The following KRT32 variants were observed in gnomAD, a reference collection of about 807,000 sequenced individuals.
KRT32 encodes the protein keratin 32.
Under a neutral mutation model 41.8 loss-of-function variants are expected in KRT32, and 44 were observed. That is an observed-to-expected ratio of 1.05 (90% CI 0.83 to 1.35). The LOEUF (loss-of-function observed/expected upper bound fraction) is 1.35, where lower values mean the gene tolerates loss of function less well. KRT32 is among the 40% of genes most tolerant of loss of function. KRT32 has a pLI of 0.00. For missense variants in KRT32, 576 were observed against 584.6 expected, an observed-to-expected ratio of 0.99 and a Z score of 0.15; for synonymous variants, 238 against 242.5, an observed-to-expected ratio of 0.98 and a Z score of 0.17.
chr17:41,461,047 T>C, intron 6 of KRT32, among the ~76,000 whole-genome samples: 1 of 152,042 alleles, frequency 6.6e-6, no homozygotes, highest in Non-Finnish European at 1.5e-5. Flanking sequence ...GTGCCGTACA[T>C]CTCTGGAACC....
At chr17:41,461,466 G>A (rs1216724448) in intron 6 of KRT32, among the ~76,000 whole-genome samples, 1 of 152,216 alleles carries the variant, frequency 6.6e-6, no homozygotes, top group East Asian at 1.9e-4. Flanking sequence ...TGAGGATCAT[G>A]TGCAACCTGA....
chr17:41,459,862 G>A lies in KRT32; in HGVS notation c.*248C>T, dbSNP rs544465624. On this transcript the variant is annotated 3_prime_UTR_variant, in exon 7 of 7. Transcript: ENST00000225899. ...ATTTGCCAGTTAACTAAGAACACAC[G>A]CTCTTTGAGGCAGCACAGACAACCA... The A allele has an allele frequency of 3.9e-5, 14 of 355,568 alleles. No individual in the cohort carries two copies. Among genetic ancestry groups the A allele is most frequent in the Middle Eastern group, 7.8e-4 (1 of 1,290 alleles). 22.0% of individuals were successfully genotyped at this position (355,568 alleles called of 1,614,324 possible).
rs1401342774 is a variant in KRT32, at chr17:41,464,411, G to T, written c.741C>A (p.Asp247Glu). The change falls in exon 4 of 7, where the codon GAC becomes GAA. Residue 247 changes from aspartate (D) to glutamate (E), a missense_variant. Physicochemically the swap from Asp to Glu is conservative, Grantham distance 45. Coordinates refer to ENST00000225899, the MANE Select transcript of KRT32 (RefSeq NM_002278.3). ...EVGSLRCQLG[D>E]RLNIEVDAAP... ...CAGCGTCCACCTCGATGTTAAGGCGGTCCCCAAGCTGGCATCGAAGGGAAC... is the reference window on the plus strand; with the variant it reads ...CAGCGTCCACCTCGATGTTAAGGCGTTCCCCAAGCTGGCATCGAAGGGAAC... 4.4e-6 allele frequency: 7 copies of T among 1,584,262 alleles called. No homozygotes were observed. The Middle Eastern group carries it at 5.1e-4, about 115-fold the overall frequency.
intron 1 of KRT32, among the ~76,000 whole-genome samples, chr17:41,466,578 C>T (rs558568617): frequency 1.3e-5 from 2 of 152,280 alleles, no homozygotes; most frequent in South Asian, 2.1e-4. Flanking sequence ...TAGATAACGA[C>T]CATTATTATC....
rs1185152514 is a variant in KRT32 at position 41,459,877 on chromosome 17, A to G, written c.*233T>C. 19 of 415,468 alleles carry G rather than the reference A, an allele frequency of 4.6e-5. No individual in the cohort carries two copies. The Admixed American group carries it at 5.9e-4, about 13-fold the overall frequency. 25.7% of individuals were successfully genotyped at this position (415,468 alleles called of 1,614,324 possible). The stretch of plus-strand genomic sequence containing the variant: ...AAGAACACACGCTCTTTGAGGCAGC[A>G]CAGACAACCAGAAACATCACCAAAG... On this transcript the variant is annotated 3_prime_UTR_variant, in exon 7 of 7. Coordinates refer to ENST00000225899, the MANE Select transcript of KRT32 (RefSeq NM_002278.3).
At chr17:41,461,590 T>C (rs1304842389) in intron 6 of KRT32, among the ~76,000 whole-genome samples, 1 of 152,270 alleles carries the variant, frequency 6.6e-6, no homozygotes, top group Admixed American at 6.5e-5. Context: ...CCTGGAACTA[T>C]TGGAAGATCA....
At chr17:41,464,958 C>T (rs140846766) in intron 3 of KRT32, among the ~76,000 whole-genome samples, 61 of 152,240 alleles carry the variant, frequency 4.0e-4, no homozygotes, top group African/African-American at 1.4e-3. Context: ...GTCAGGAGCC[C>T]GAGGGTGCTC....
At chr17:41,461,358 G>C (rs903295144) in intron 6 of KRT32, among the ~76,000 whole-genome samples, 1 of 152,164 alleles carries the variant, frequency 6.6e-6, no homozygotes, top group Non-Finnish European at 1.5e-5. Context: ...AAAGGAAAAA[G>C]GATGATCTCA....
Position 41,460,134 on chromosome 17 carries a change from T to C in KRT32, c.1323A>G (p.Ser441=). The stretch of plus-strand genomic sequence containing the variant: ...TTCAGTAGCGGCCCTGGGGGCAGGG[T>C]GAGCAAGGCATGCCAACAGTGCGTG... The part of the protein sequence containing the change: ...CVPRTVGMPC[S]PCPQGRY The change falls in exon 7 of 7, where the codon TCA becomes TCG. Residue 441 remains serine (S), a synonymous_variant. Transcript: ENST00000225899. 1 of 1,611,862 alleles carries C rather than the reference T, an allele frequency of 6.2e-7. No individual in the cohort carries two copies. The highest frequency in any genetic ancestry group is 1.1e-5 in the South Asian group (1 of 90,882).
chr17:41,466,885 G>T lies in KRT32; in HGVS notation c.441C>A (p.Phe147Leu). Reference protein sequence around the residue: ...LTMTPDYQSHFRTIEELQQKI... With the variant: ...LTMTPDYQSHLRTIEELQQKI... ...TCTGCTGGAGCTCCTCAATGGTCCT[G>T]AAATGAGACTGGTAGTCAGGAGTCA... The change falls in exon 1 of 7, where the codon TTC becomes TTA. Residue 147 changes from phenylalanine to leucine, a missense_variant. Physicochemically the swap from Phe to Leu is conservative, Grantham distance 22. Coordinates refer to ENST00000225899, the MANE Select transcript of KRT32 (RefSeq NM_002278.3). 6.2e-7 allele frequency: 1 copy of T among 1,613,946 alleles called. No individual in the cohort carries two copies. Among genetic ancestry groups the T allele is most frequent in the East Asian group, 2.2e-5 (1 of 44,892 alleles).
rs202139624 is a variant in KRT32 at position 41,464,399 on chromosome 17, G to A, written c.753C>T (p.Ile251=). ...CCACCGGGGGTGCAGCGTCCACCTC[G>A]ATGTTAAGGCGGTCCCCAAGCTGGC... ...LRCQLGDRLN[I]EVDAAPPVDL... The change falls in exon 4 of 7, where the codon ATC becomes ATT. Residue 251 remains isoleucine, a synonymous_variant. Transcript: ENST00000225899. 109 of 1,602,218 alleles carry A rather than the reference G, an allele frequency of 6.8e-5. No homozygotes were observed. In the South Asian group the frequency reaches 7.3e-4, roughly 11 times the overall value.
chr17:41,465,699 C>T, intron 3 of KRT32, 74 bp downstream of exon 3: 1 of 1,487,380 alleles, frequency 6.7e-7, no homozygotes. Context: ...TCAACCCACG[C>T]CTATCCAACC....
chr17:41,466,650 A>G (rs1472937823), intron 1 of KRT32, among the ~76,000 whole-genome samples: 22 of 152,226 alleles, frequency 1.4e-4, no homozygotes, highest in Admixed American at 1.4e-3. Flanking sequence ...AAGTCATGCA[A>G]TGAGGCAATG....
chr17:41,460,264 C>G, intron 6 of KRT32, 25 bp from the exon 7 acceptor site: 1 of 1,566,458 alleles, frequency 6.4e-7, no homozygotes, highest in East Asian at 2.4e-5. Flanking sequence ...CAAAGAGAAA[C>G]AGGATTAGTA....
intron 6 of KRT32, among the ~76,000 whole-genome samples, chr17:41,461,140 A>C: frequency 6.6e-6 from 1 of 151,564 alleles, no homozygotes; most frequent in African/African-American, 2.4e-5. Context: ...AGCCTCCCCC[A>C]CCTCTCTGAG....
At chr17:41,463,318 T>C (rs2144448752) in intron 5 of KRT32, among the ~76,000 whole-genome samples, 1 of 152,358 alleles carries the variant, frequency 6.6e-6, no homozygotes, top group South Asian at 2.1e-4. Context: ...GGATTGGATC[T>C]GAGATTTCCC....
chr17:41,462,461 T>A (rs1198345715), intron 6 of KRT32, among the ~76,000 whole-genome samples: 1 of 152,206 alleles, frequency 6.6e-6, no homozygotes, highest in Non-Finnish European at 1.5e-5. Context: ...CTTTTCATCC[T>A]AAGCTCTGGA....
chr17:41,463,100 C>T (rs1437590236), intron 5 of KRT32, 50 bp from the exon 6 acceptor site: 6 of 1,536,892 alleles, frequency 3.9e-6, no homozygotes, highest in Admixed American at 3.6e-5. Context: ...TTTACCATGG[C>T]CTGCTTCAGA....
At position 41,465,945 on chromosome 17, in the gene KRT32, G is replaced by A. The variant is rs1371788990; in HGVS notation, c.552-16C>T. ...TGCCTCGTACCTGCACAAGGACAGG[G>A]TCAGCAACCAAGGGTGAAACAGAAT... On this transcript the variant is annotated splice_polypyrimidine_tract_variant and intron_variant, in intron 2 of 6. Transcript: ENST00000225899. 1 of 1,609,212 alleles carries A rather than the reference G, an allele frequency of 6.2e-7. No individual in the cohort carries two copies. Among genetic ancestry groups the A allele is most frequent in the South Asian group, 1.1e-5 (1 of 90,778 alleles).
Sources: gnomAD v4.1 joint callset for allele counts (sites outside exome capture counted in the v4.1 genomes callset) on GRCh38, gnomAD v4.1.1 for gene constraint, MANE v1.5 for transcripts, NCBI Gene and HGNC (gene_info 2026-07-23, HGNC 2026-07-21) for gene names.